The following TSGA13 variants were observed in gnomAD, a reference collection of about 807,000 sequenced individuals.
TSGA13 encodes testis specific 13, also known as testis-specific gene 13 protein.
Under a neutral mutation model 35.1 loss-of-function variants are expected in TSGA13, and 37 were observed. That is an observed-to-expected ratio of 1.05 (90% confidence interval 0.81 to 1.39). TSGA13 has a LOEUF of 1.39. Among genes scored for constraint, TSGA13 ranks in the 40% most tolerant of loss-of-function variants. The probability of loss-of-function intolerance (pLI) is 0.00; values close to 1 mark genes in which losing one functional copy is unlikely to be tolerated. For missense variants in TSGA13, 338 were observed against 328.5 expected (o/e 1.03, Z -0.22); for synonymous variants, 124 against 121.2 (o/e 1.02, Z -0.15).
intron 3 of TSGA13, among the ~76,000 whole-genome samples, chr7:130,683,072 T>C (rs2116328849): frequency 6.6e-6 from 1 of 152,352 alleles, no homozygotes; most frequent in Admixed American, 6.5e-5. Flanking sequence ...GGAAATTCCC[T>C]GGTGAAAATG....
chr7:130,669,010 G>T lies in TSGA13; in HGVS notation c.*4C>A, dbSNP rs1796178468. On this transcript the variant is annotated 3_prime_UTR_variant, in exon 8 of 8. Coordinates refer to ENST00000356588, the MANE Select transcript of TSGA13 (RefSeq NM_052933.4). Reference sequence around the variant, plus strand: ...GCGAGGCGGGAGGACTGAGGGGTCTGTGTTCACCCGATGACCGTGGCCTTT... The same window carrying T: ...GCGAGGCGGGAGGACTGAGGGGTCTTTGTTCACCCGATGACCGTGGCCTTT... 1 of 1,613,892 alleles carries T rather than the reference G, an allele frequency of 6.2e-7. No individual in the cohort carries two copies. Among genetic ancestry groups the T allele is most frequent in the South Asian group, 1.1e-5 (1 of 91,070 alleles).
intron 2 of TSGA13, 53 bp downstream of exon 2, chr7:130,685,135 A>G: frequency 4.5e-6 from 7 of 1,563,986 alleles, no homozygotes; most frequent in Non-Finnish European, 6.2e-6. Flanking sequence ...GCTATGCAAT[A>G]AGTTAATATA....
At chr7:130,683,543 A>G (rs1310654458) in intron 3 of TSGA13, 51 bp downstream of exon 3, 4 of 1,557,128 alleles carry the variant, frequency 2.6e-6, no homozygotes, top group Non-Finnish European at 3.5e-6. Flanking sequence ...TAAGTACACT[A>G]AGCAGCTCCA....
At chr7:130,685,626 A>G (rs982553630) in intron 1 of TSGA13, among the ~76,000 whole-genome samples, 9 of 152,226 alleles carry the variant, frequency 5.9e-5, no homozygotes, top group African/African-American at 2.2e-4. Flanking sequence ...ATTCCATGAT[A>G]GTGATGAGAT....
Position 130,668,654 on chromosome 7 carries a change from G to T in TSGA13, c.*360C>A. Reference sequence around the variant, plus strand: ...TACCAGACTCCTCGTCCTTCTTGTCGAATTTTTTAATCATCTTGGACGACT... The same window carrying T: ...TACCAGACTCCTCGTCCTTCTTGTCTAATTTTTTAATCATCTTGGACGACT... On this transcript the variant is annotated 3_prime_UTR_variant, in exon 8 of 8. Coordinates refer to ENST00000356588, the MANE Select transcript of TSGA13 (RefSeq NM_052933.4). The T allele has an allele frequency of 6.5e-7, 1 of 1,543,230 alleles. No homozygotes were observed. Among genetic ancestry groups the T allele is most frequent in the Non-Finnish European group, 8.7e-7 (1 of 1,147,026 alleles).
chr7:130,683,887 A>G (rs782765476), intron 2 of TSGA13, among the ~76,000 whole-genome samples: 10 of 152,244 alleles, frequency 6.6e-5, no homozygotes, highest in Non-Finnish European at 1.5e-4. Flanking sequence ...AGAGTTAAAC[A>G]AGTGGGACCT....
rs187904706 is a variant in TSGA13 at position 130,678,395 on chromosome 7, G to T, written c.387+760C>A. Among the ~76,000 whole-genome samples the T allele has an allele frequency of 8.0e-3, 1,211 of 151,812 alleles. 9 individuals are homozygous for T. Among genetic ancestry groups the T allele is most frequent in the Non-Finnish European group, 0.014 (934 of 67,854 alleles). ...CTCCGTCTCAAAAAAAAAAAAAATGGTTTGGCTACTGTGATGGCAAATTCC... is the reference window on the plus strand; with the variant it reads ...CTCCGTCTCAAAAAAAAAAAAAATGTTTTGGCTACTGTGATGGCAAATTCC... On this transcript the variant is annotated intron_variant, in intron 5 of 7. Coordinates refer to ENST00000356588, the MANE Select transcript of TSGA13 (RefSeq NM_052933.4).
rs376620175 is a variant in TSGA13, at chr7:130,668,973, A to C, written c.*41T>G. On this transcript the variant is annotated 3_prime_UTR_variant, in exon 8 of 8. Coordinates refer to ENST00000356588, the MANE Select transcript of TSGA13 (RefSeq NM_052933.4). ...GGGTGGCGACTTCTGCGGACCCCTC[A>C]GTCTCAAGAGAGCGAGGCGGGAGGA... 14 of 1,599,856 alleles carry C rather than the reference A, an allele frequency of 8.8e-6. No homozygotes were observed. In the African/African-American group the frequency reaches 9.4e-5, roughly 11 times the overall value.
intron 7 of TSGA13, among the ~76,000 whole-genome samples, chr7:130,670,433 A>C (rs1292286947): frequency 1.3e-5 from 2 of 152,104 alleles, no homozygotes; most frequent in Non-Finnish European, 2.9e-5. Context: ...CAGTAGGAGA[A>C]ATGGACCTTA....
At position 130,685,238 on chromosome 7, in the gene TSGA13, A is replaced by C. The variant is rs1554465583; in HGVS notation, c.-28T>G. 4 of 1,612,464 alleles carry C rather than the reference A, an allele frequency of 2.5e-6. No homozygotes were observed. The highest frequency in any genetic ancestry group is 3.4e-6 in the Non-Finnish European group (4 of 1,178,666). On this transcript the variant is annotated 5_prime_UTR_variant, in exon 2 of 8. Transcript: ENST00000356588. The stretch of plus-strand genomic sequence containing the variant: ...CTGTTGACTGCTAGTTGGCCAACCC[A>C]AGGCAGGTATTCACCCAAGGCCAAA...
In TSGA13 at chr7:130,680,967, A is replaced by G. The variant is rs117124404; in HGVS notation, c.153T>C (p.His51=). 34,578 of 1,613,960 alleles carry G rather than the reference A, an allele frequency of 0.021. 455 individuals carry two copies. The highest frequency in any genetic ancestry group is 0.025 in the Non-Finnish European group (29,194 of 1,179,836). The part of the protein sequence containing the change: ...QSKFVLENLR[H]YTVHPNLAQY... The stretch of plus-strand genomic sequence containing the variant: ...CTACCAAATTTGGATGGACTGTGTA[A>G]TGCCGAAGGTTCTCTAGAACAAATT... Residue 51 remains histidine (H), a synonymous_variant, in exon 4 of 8, where the codon CAT becomes CAC. Coordinates refer to ENST00000356588, the MANE Select transcript of TSGA13 (RefSeq NM_052933.4).
intron 1 of TSGA13, 106 bp from the exon 2 acceptor site, chr7:130,685,466 G>A: frequency 9.3e-7 from 1 of 1,079,016 alleles, no homozygotes; most frequent in Middle Eastern, 3.2e-4. Context: ...TCACAAACGG[G>A]GGAGGTGGGA....
chr7:130,679,859 C>G (rs141224856), intron 4 of TSGA13, among the ~76,000 whole-genome samples: 2 of 152,194 alleles, frequency 1.3e-5, no homozygotes, highest in South Asian at 4.1e-4. Context: ...CTGAAGCTCT[C>G]AGTCCCTCTC....
chr7:130,677,167 C>T (rs969695457), intron 5 of TSGA13, among the ~76,000 whole-genome samples: 1 of 152,204 alleles, frequency 6.6e-6, no homozygotes, highest in Non-Finnish European at 1.5e-5. Context: ...GCTGGGATTA[C>T]AGGCGTGAGC....
chr7:130,675,363 A>C (rs1796387779), intron 5 of TSGA13, among the ~76,000 whole-genome samples: 2 of 106,976 alleles, frequency 1.9e-5, no homozygotes, highest in Non-Finnish European at 3.4e-5. Flanking sequence ...TTTCTTCCTC[A>C]TGGTTTGAGT....
chr7:130,681,829 A>T (rs1240513940), intron 3 of TSGA13, among the ~76,000 whole-genome samples: 1 of 152,208 alleles, frequency 6.6e-6, no homozygotes, highest in Non-Finnish European at 1.5e-5. Context: ...GAACACAAGG[A>T]TATAAAAGCT....
At chr7:130,673,342 T>C (rs560045551) in intron 5 of TSGA13, among the ~76,000 whole-genome samples, 122 of 152,294 alleles carry the variant, frequency 8.0e-4, no homozygotes, top group African/African-American at 2.7e-3. Context: ...AATTATACCA[T>C]TACTAAAGGT....
Position 130,684,652 on chromosome 7 carries a change from T to A in TSGA13, c.23+536A>T, listed in dbSNP as rs890839770. Among the ~76,000 whole-genome samples the A allele has an allele frequency of 7.9e-4, 121 of 152,312 alleles. 1 individual carries two copies. The highest frequency in any genetic ancestry group is 2.8e-3 in the African/African-American group (118 of 41,584). ...CAAATAATCCCCAAATCCATGATTC[T>A]ATCCCATTCAAGCATAGCTACCTTC... is the stretch of plus-strand genomic sequence containing the variant. On this transcript the variant is annotated intron_variant, in intron 2 of 7. Transcript: ENST00000356588.
intron 7 of TSGA13, 93 bp from the exon 8 acceptor site, chr7:130,669,276 G>A: frequency 2.0e-6 from 3 of 1,503,910 alleles, no homozygotes; most frequent in Non-Finnish European, 2.7e-6. Context: ...GCACTTGGAG[G>A]GACCAGAGGC....
Sources: gnomAD v4.1 joint callset for allele counts (sites outside exome capture counted in the v4.1 genomes callset) on GRCh38, gnomAD v4.1.1 for gene constraint, MANE v1.5 for transcripts, NCBI Gene and HGNC (gene_info 2026-07-23, HGNC 2026-07-21) for gene names.